The following LRP11 variants were observed in gnomAD, a reference collection of about 807,000 sequenced individuals.
LRP11 encodes low-density lipoprotein receptor-related protein 11.
Under a neutral mutation model 43.1 loss-of-function variants are expected in LRP11, and 25 were observed. The observed-to-expected ratio is 0.58, with a 90% CI of 0.42 to 0.81. The LOEUF (loss-of-function observed/expected upper bound fraction) is 0.81, where lower values mean the gene tolerates loss of function less well. Among genes scored for constraint, LRP11 ranks in the 30% least tolerant of loss-of-function variants. The probability of loss-of-function intolerance (pLI) is 0.00; values close to 1 mark genes in which losing one functional copy is unlikely to be tolerated. For missense variants in LRP11, 623 were observed against 665.1 expected (o/e 0.94, Z 0.70); for synonymous variants, 316 against 299.4 (o/e 1.06, Z -0.57).
intron 5 of LRP11, among the ~76,000 whole-genome samples, chr6:149,828,587 C>T (rs1303706524): frequency 1.3e-5 from 2 of 151,758 alleles, no homozygotes; most frequent in Admixed American, 6.6e-5. Flanking sequence ...TTCCCAGGCT[C>T]AAGTGATCCT....
At chr6:149,850,825 T>G (rs1002404256) in intron 2 of LRP11, among the ~76,000 whole-genome samples, 1 of 152,214 alleles carries the variant, frequency 6.6e-6, no homozygotes, top group Non-Finnish European at 1.5e-5. Context: ...CAGCATTCCA[T>G]TGAAAGGTAC....
chr6:149,831,709 C>G (rs1252011576), intron 5 of LRP11, among the ~76,000 whole-genome samples: 1 of 152,224 alleles, frequency 6.6e-6, no homozygotes, highest in African/African-American at 2.4e-5. Context: ...TACTCTGTCA[C>G]CCAGGCTGGA....
chr6:149,864,302 C>G lies in LRP11; in HGVS notation c.-282G>C, dbSNP rs1215850171. On this transcript the variant is annotated 5_prime_UTR_variant, in exon 1 of 7. Coordinates refer to ENST00000239367, the MANE Select transcript of LRP11 (RefSeq NM_032832.6). ...CGCCTCTCCGCCCCGGCCTGCGGCG[C>G]GCTGGGTGGCGACGAGTCGGCCTCG... The G allele has an allele frequency of 3.9e-6, 4 of 1,038,580 alleles. No homozygotes were observed. The highest frequency in any genetic ancestry group is 4.5e-4 in the Middle Eastern group (1 of 2,236). The allele number at this position is 1,038,580 out of a possible 1,614,324, so 64.3% of individuals were successfully genotyped here.
At chr6:149,842,390 A>G (rs1776561508) in intron 3 of LRP11, among the ~76,000 whole-genome samples, 1 of 152,200 alleles carries the variant, frequency 6.6e-6, no homozygotes, top group African/African-American at 2.4e-5. Flanking sequence ...CCTACTTGTA[A>G]TCTTTTTGTG....
intron 2 of LRP11, among the ~76,000 whole-genome samples, chr6:149,848,164 T>C (rs568053820): frequency 1.0e-3 from 152 of 148,222 alleles, no homozygotes; most frequent in African/African-American, 2.9e-3. Flanking sequence ...ATAAAAGAGG[T>C]CCCATGTTAT....
At chr6:149,824,231 A>G (rs897480775) in intron 6 of LRP11, among the ~76,000 whole-genome samples, 2 of 152,174 alleles carry the variant, frequency 1.3e-5, no homozygotes, top group African/African-American at 2.4e-5. Context: ...GAAGATGCCA[A>G]TCCCAATGCC....
intron 2 of LRP11, among the ~76,000 whole-genome samples, chr6:149,844,543 T>C (rs909228198): frequency 1.3e-5 from 2 of 152,222 alleles, no homozygotes; most frequent in South Asian, 2.1e-4. Context: ...TGCTGGACAG[T>C]CAGCCTGAAG....
At chr6:149,842,765 C>T (rs1467950340) in intron 3 of LRP11, 3 of 1,382,300 alleles carry the variant, frequency 2.2e-6, no homozygotes, top group East Asian at 5.0e-5. Flanking sequence ...TTCTCATCCC[C>T]TGGAGTGCTT....
rs1206120144 is a variant in LRP11 at position 149,818,865 on chromosome 6, C to T, written c.*1684G>A. 1 of 152,582 alleles carries T rather than the reference C, an allele frequency of 6.6e-6. No individual in the cohort carries two copies. Among genetic ancestry groups the T allele is most frequent in the African/African-American group, 2.4e-5 (1 of 41,446 alleles). The allele number at this position is 152,582 out of a possible 1,614,324, so 9.5% of individuals were successfully genotyped here. On this transcript the variant is annotated 3_prime_UTR_variant, in exon 7 of 7. Transcript: ENST00000239367. ...ATACAGAACATCTTGGATATTTCAA[C>T]ACCATAGCAACACAAAATTAATTTC...
In LRP11 at chr6:149,863,420, A is replaced by G; in HGVS notation, c.601T>C (p.Ser201Pro). The G allele has an allele frequency of 1.5e-6, 2 of 1,323,172 alleles. No homozygotes were observed. The highest frequency in any genetic ancestry group is 1.9e-6 in the Non-Finnish European group (2 of 1,044,338). 82.0% of individuals were successfully genotyped at this position (1,323,172 alleles called of 1,614,324 possible). The part of the protein sequence containing the change: ...DGAALATARA[S>P]PRQEKDAPPL... ...GTCGCGCGCTTACCCTGCCGGGGCG[A>G]GGCGCGCGCGGTGGCCAGGGCGGCG... The change falls in exon 1 of 7, where the codon TCG becomes CCG. Residue 201 changes from serine to proline, a missense_variant. By Grantham distance (74) the Ser-to-Pro change is moderately conservative (BLOSUM62 -1). Transcript: ENST00000239367.
intron 2 of LRP11, among the ~76,000 whole-genome samples, chr6:149,850,128 C>G (rs554038627): frequency 1.3e-5 from 2 of 152,142 alleles, no homozygotes; most frequent in South Asian, 2.1e-4. Flanking sequence ...GTGCTAGGGA[C>G]AGTCAAGGGA....
chr6:149,834,720 C>A (rs758400520), intron 5 of LRP11, among the ~76,000 whole-genome samples: 21 of 152,162 alleles, frequency 1.4e-4, no homozygotes, highest in Non-Finnish European at 2.5e-4. Flanking sequence ...GTGGCAGTAC[C>A]AACCAGGAAT....
At chr6:149,852,341 G>A (rs1776732140) in intron 2 of LRP11, 2 of 152,190 alleles carry the variant, frequency 1.3e-5, no homozygotes, top group South Asian at 4.1e-4. Context: ...CCTAAGCCAG[G>A]AAGTGCTTAT....
Position 149,863,463 on chromosome 6 carries a change from G to A in LRP11, c.558C>T (p.Leu186=). The A allele has an allele frequency of 7.5e-7, 1 of 1,336,214 alleles. No homozygotes were observed. The highest frequency in any genetic ancestry group is 9.5e-7 in the Non-Finnish European group (1 of 1,052,116). The allele number at this position is 1,336,214 out of a possible 1,614,324, so 82.8% of individuals were successfully genotyped here. A position where few individuals can be genotyped will look rare whatever the true frequency, so the allele number is the denominator to read the frequency against. ...ALHSGYSSYS[L]SRAPDGAALA... ...GGGCGGCGCCGTCCGGCGCGCGGCTGAGGCTGTAGCTGCTGTAGCCGCTGT... is the reference window on the plus strand; with the variant it reads ...GGGCGGCGCCGTCCGGCGCGCGGCTAAGGCTGTAGCTGCTGTAGCCGCTGT... The change falls in exon 1 of 7, where the codon CTC becomes CTT. Residue 186 remains leucine, a synonymous_variant. Coordinates refer to ENST00000239367, the MANE Select transcript of LRP11 (RefSeq NM_032832.6).
At chr6:149,854,309 G>A (rs1464194249) in intron 1 of LRP11, among the ~76,000 whole-genome samples, 2 of 151,972 alleles carry the variant, frequency 1.3e-5, no homozygotes, top group Non-Finnish European at 2.9e-5. Context: ...TGTAGTGAGA[G>A]TTGCCCAGGC....
intron 6 of LRP11, among the ~76,000 whole-genome samples, chr6:149,822,657 G>GT (rs1285465153): frequency 6.6e-6 from 1 of 152,176 alleles, no homozygotes; most frequent in Non-Finnish European, 1.5e-5. Flanking sequence ...TTTTGAACGA[G>GT]TAAGTCTGGG....
intron 1 of LRP11, among the ~76,000 whole-genome samples, chr6:149,859,814 ACC>A: frequency 6.6e-6 from 1 of 151,858 alleles, no homozygotes; most frequent in South Asian, 2.1e-4. Context: ...TTTCTTTGTG[ACC>A]TCTTTAATTG....
At chr6:149,859,767 A>G (rs996304494) in intron 1 of LRP11, among the ~76,000 whole-genome samples, 1 of 152,086 alleles carries the variant, frequency 6.6e-6, no homozygotes, top group African/African-American at 2.4e-5. Flanking sequence ...GTTTCTTGAT[A>G]TGAAGTTTTT....
intron 1 of LRP11, among the ~76,000 whole-genome samples, chr6:149,857,504 C>CAAA (rs78898379): frequency 1.3e-4 from 16 of 120,886 alleles, no homozygotes; most frequent in African/African-American, 4.3e-4. Context: ...GTCCCTGTGT[C>CAAA]AAAAAAAAAA....
Sources: allele counts gnomAD v4.1 joint callset (sites outside exome capture counted in the v4.1 genomes callset), GRCh38; gene constraint gnomAD v4.1.1; transcripts MANE v1.5; gene names NCBI Gene and HGNC (gene_info 2026-07-23, HGNC 2026-07-21).